The following FLG2 variants were observed in gnomAD, a reference collection of about 807,000 sequenced individuals.
The protein encoded by FLG2 is filaggrin-2.
FLG2 carries 7 observed loss-of-function variants against 3.9 expected under a neutral mutation model. The ratio of observed to expected loss-of-function variants is 1.79; its 90% CI spans 1.02 to 3.36. The LOEUF (loss-of-function observed/expected upper bound fraction) is 3.36, where lower values mean the gene tolerates loss of function less well. FLG2 is among the 30% of genes most tolerant of loss of function. FLG2 has a pLI of 0.00. For synonymous variants in FLG2, 1,031 were observed against 1,056.1 expected, an observed-to-expected ratio of 0.98 and a Z score of 0.46; for missense variants, 2,700 against 2,809.4, an observed-to-expected ratio of 0.96 and a Z score of 0.88.
rs1557894677 is a variant in FLG2, at chr1:152,351,834, T to C, written c.5952A>G (p.Pro1984=). ...HTHGQAGSHY[P]ESGSSVHERH... ...TCTCATGAACTGAGGATCCTGACTC[T>C]GGATAGTGAGATCCAGCTTGACCGT... is the stretch of plus-strand genomic sequence containing the variant. The change falls in exon 3 of 3, where the codon CCA becomes CCG. Residue 1984 remains proline (P), a synonymous_variant. Coordinates refer to ENST00000388718, the MANE Select transcript of FLG2 (RefSeq NM_001014342.3). The C allele has an allele frequency of 5.0e-6, 8 of 1,612,822 alleles. No individual in the cohort carries two copies. Among genetic ancestry groups the C allele is most frequent in the Non-Finnish European group, 4.2e-6 (5 of 1,179,856 alleles).
chr1:152,356,683 C>A lies in FLG2; in HGVS notation c.1103G>T (p.Gly368Val), dbSNP rs1654247226. The A allele has an allele frequency of 6.2e-7, 1 of 1,614,122 alleles. No homozygotes were observed. The highest frequency in any genetic ancestry group is 1.1e-5 in the South Asian group (1 of 91,094). ...RENGQPQNCG[G>V]QWRTGSSQSS... ...CTGACTTGAGCCTGTTCTCCATTGT[C>A]CTCCACAGTTCTGTGGTTGACCATT... The change falls in exon 3 of 3, where the codon GGA becomes GTA. Residue 368 changes from glycine (G) to valine (V), a missense_variant. Coordinates refer to ENST00000388718, the MANE Select transcript of FLG2 (RefSeq NM_001014342.3).
At position 152,353,819 on chromosome 1, in the gene FLG2, T is replaced by C. The variant is rs1015664681; in HGVS notation, c.3967A>G (p.Arg1323Gly). The C allele has an allele frequency of 6.2e-7, 1 of 1,614,056 alleles. No homozygotes were observed. Among genetic ancestry groups the C allele is most frequent in the Non-Finnish European group, 8.5e-7 (1 of 1,179,952 alleles). The part of the protein sequence containing the change: ...TTHGQRGDTT[R>G]HGHSGHGQST... ...TGTCCATGACCAGAATGGCCATGTC[T>C]AGTGGTATCTCCTCTCTGTCCATGA... Residue 1323 changes from arginine to glycine, a missense_variant, in exon 3 of 3, where the codon AGA (arginine) becomes GGA (glycine). Physicochemically the swap from Arg to Gly is moderately radical, Grantham distance 125. Transcript: ENST00000388718.
Position 152,352,312 on chromosome 1 carries a change from G to C in FLG2, c.5474C>G (p.Thr1825Ser), listed in dbSNP as rs1413274658. The change falls in exon 3 of 3, where the codon ACT becomes AGT. Residue 1825 changes from threonine to serine, a missense_variant. Coordinates refer to ENST00000388718, the MANE Select transcript of FLG2 (RefSeq NM_001014342.3). ...FSQRPHSRGH[T>S]HGQAGSQHGE... ...ATGTTGAGATCCAGCCTGGCCGTGA[G>C]TGTGTCCTCGTGAGTGTGGTCTTTG... The C allele has an allele frequency of 6.2e-7, 1 of 1,612,726 alleles. No individual in the cohort carries two copies. The highest frequency in any genetic ancestry group is 1.7e-5 in the Admixed American group (1 of 59,910).
intron 2 of FLG2, among the ~76,000 whole-genome samples, chr1:152,358,147 G>A (rs955300993): frequency 7.9e-5 from 12 of 151,122 alleles, no homozygotes; most frequent in African/African-American, 2.2e-4. Context: ...TCAGCCTCCC[G>A]AGTAGCTGGG....
intron 2 of FLG2, 108 bp downstream of exon 2, chr1:152,358,639 A>C (rs1654338380): frequency 1.9e-6 from 2 of 1,041,434 alleles, no homozygotes; most frequent in African/African-American, 3.3e-5. Context: ...CCACTCATAG[A>C]GTTTGCTTAG....
chr1:152,348,762 A>G lies in FLG2; in HGVS notation c.*1848T>C, dbSNP rs145057374. ...TAACTTGATGAAATGTTTATTGCCA[A>G]TTTTTATGAAGTACAATTTTCTGGA... On this transcript the variant is annotated 3_prime_UTR_variant, in exon 3 of 3. Transcript: ENST00000388718. 1.3e-5 allele frequency: 2 copies of G among 152,286 alleles called. No homozygotes were observed. Among genetic ancestry groups the G allele is most frequent in the East Asian group, 3.9e-4 (2 of 5,182 alleles). 9.4% of individuals were successfully genotyped at this position (152,286 alleles called of 1,614,324 possible). A position where few individuals can be genotyped will look rare whatever the true frequency, so the allele number is the denominator to read the frequency against.
In FLG2 at chr1:152,351,280, C is replaced by G. The variant is rs748312063; in HGVS notation, c.6506G>C (p.Gly2169Ala). 2 of 1,613,792 alleles carry G rather than the reference C, an allele frequency of 1.2e-6. No homozygotes were observed. Among genetic ancestry groups the G allele is most frequent in the Non-Finnish European group, 1.7e-6 (2 of 1,179,970 alleles). ...QSGHGQSTQT[G>A]SRTTGRQRSS... ...TCTTTGTCTTCCAGTTGTCCTGGAACCTGTCTGTGTGGACTGTCCATGACC... is the reference window on the plus strand; with the variant it reads ...TCTTTGTCTTCCAGTTGTCCTGGAAGCTGTCTGTGTGGACTGTCCATGACC... Residue 2169 changes from glycine to alanine, a missense_variant, in exon 3 of 3, where the codon GGT (glycine) becomes GCT (alanine). Coordinates refer to ENST00000388718, the MANE Select transcript of FLG2 (RefSeq NM_001014342.3).
At chr1:152,358,208 A>G (rs1052104385) in intron 2 of FLG2, among the ~76,000 whole-genome samples, 7 of 151,982 alleles carry the variant, frequency 4.6e-5, no homozygotes, top group Non-Finnish European at 1.0e-4. Flanking sequence ...TTTTTAGTAG[A>G]GATGGGGTTT....
Position 152,349,751 on chromosome 1 carries a change from G to C in FLG2, c.*859C>G, listed in dbSNP as rs1449133625. 6.6e-6 allele frequency: 1 copy of C among 152,652 alleles called. No individual in the cohort carries two copies. The highest frequency in any genetic ancestry group is 1.9e-4 in the East Asian group (1 of 5,186). 9.5% of individuals were successfully genotyped at this position (152,652 alleles called of 1,614,324 possible). ...ATCTAAGCAGAAGGAACCAGAGCCT[G>C]TTCTTTCCTTTGTATGGTAACCGCT... On this transcript the variant is annotated 3_prime_UTR_variant, in exon 3 of 3. Coordinates refer to ENST00000388718, the MANE Select transcript of FLG2 (RefSeq NM_001014342.3).
chr1:152,357,950 A>G (rs1013809680), intron 2 of FLG2, among the ~76,000 whole-genome samples: 2 of 152,218 alleles, frequency 1.3e-5, no homozygotes, highest in Non-Finnish European at 2.9e-5. Context: ...AGTTTTACAT[A>G]AATTGTAACT....
Position 152,354,406 on chromosome 1 carries a change from C to T in FLG2, c.3380G>A (p.Gly1127Asp), listed in dbSNP as rs1557897561. 3 of 1,614,002 alleles carry T rather than the reference C, an allele frequency of 1.9e-6. No homozygotes were observed. The highest frequency in any genetic ancestry group is 2.7e-5 in the African/African-American group (2 of 74,900). ...TGTGCCTGACCCATGTTGTCCAAAG[C>T]CAGAAGACTGACCTGAGCCCGATCC... Reference protein sequence around the residue: ...QYGSGSGQSSGFGQHGSGTGK... With the variant: ...QYGSGSGQSSDFGQHGSGTGK... The change falls in exon 3 of 3, where the codon GGC becomes GAC. Residue 1127 changes from glycine (G) to aspartate (D), a missense_variant. Coordinates refer to ENST00000388718, the MANE Select transcript of FLG2 (RefSeq NM_001014342.3).
chr1:152,358,622 C>T, intron 2 of FLG2, 125 bp downstream of exon 2: 1 of 889,032 alleles, frequency 1.1e-6, no homozygotes, highest in East Asian at 2.7e-5. Flanking sequence ...CTGGCATCCC[C>T]AAAATACCAC....
chr1:152,357,017 T>G lies in FLG2; in HGVS notation c.769A>C (p.Arg257=). The stretch of plus-strand genomic sequence containing the variant: ...GACCCAAGCTTTTGTTCTCTAATTC[T>G]TGACTGAGTAGAGTTTGATTCATGC... ...SGHESNSTQS[R]IREQKLGSSC... The change falls in exon 3 of 3, where the codon AGA becomes CGA. Residue 257 remains arginine, a synonymous_variant. Transcript: ENST00000388718. 4 of 1,614,226 alleles carry G rather than the reference T, an allele frequency of 2.5e-6. No homozygotes were observed. Among genetic ancestry groups the G allele is most frequent in the Non-Finnish European group, 3.4e-6 (4 of 1,180,030 alleles).
chr1:152,352,122 C>G lies in FLG2; in HGVS notation c.5664G>C (p.Val1888=), dbSNP rs547068744. The G allele has an allele frequency of 6.2e-7, 1 of 1,613,582 alleles. No individual in the cohort carries two copies. The highest frequency in any genetic ancestry group is 1.7e-5 in the Admixed American group (1 of 59,942). ...AATGTGTATGTGAGCCCCCTGAGTG[C>G]ACTTCACTGTCACTGGACTCACTGT... is the stretch of plus-strand genomic sequence containing the variant. ...SGHSESSDSE[V]HSGGSHTHSG... The change falls in exon 3 of 3, where the codon GTG becomes GTC. Residue 1888 remains valine, a synonymous_variant. Transcript: ENST00000388718.
rs771013080 is a variant in FLG2 at position 152,353,003 on chromosome 1, G to C, written c.4783C>G (p.Arg1595Gly). The C allele has an allele frequency of 1.2e-6, 2 of 1,613,120 alleles. No individual in the cohort carries two copies. Among genetic ancestry groups the C allele is most frequent in the African/African-American group, 1.3e-5 (1 of 74,628 alleles). The change falls in exon 3 of 3, where the codon CGA becomes GGA. Residue 1595 changes from arginine (R) to glycine (G), a missense_variant. Physicochemically the swap from Arg to Gly is moderately radical, Grantham distance 125. Transcript: ENST00000388718. ...CCGGCTTGGCCGTAAGTGTGTTCTCGTGAGTGTGGTCTGTGTGAGCCCCCT... is the reference window on the plus strand; with the variant it reads ...CCGGCTTGGCCGTAAGTGTGTTCTCCTGAGTGTGGTCTGTGTGAGCCCCCT... ...HSGGSHRPHS[R>G]EHTYGQAGSQ...
Position 152,349,887 on chromosome 1 carries a change from A to G in FLG2, c.*723T>C, listed in dbSNP as rs1228938351. Reference sequence around the variant, plus strand: ...TGTCTCCCCCACTGCATATGGTTGCACTGCTTGATGAATATCTATACCTAT... The same window carrying G: ...TGTCTCCCCCACTGCATATGGTTGCGCTGCTTGATGAATATCTATACCTAT... On this transcript the variant is annotated 3_prime_UTR_variant, in exon 3 of 3. Transcript: ENST00000388718. 6.5e-6 allele frequency: 1 copy of G among 153,052 alleles called. No homozygotes were observed. The highest frequency in any genetic ancestry group is 1.5e-5 in the Non-Finnish European group (1 of 68,338). 9.5% of individuals were successfully genotyped at this position (153,052 alleles called of 1,614,324 possible). A position where few individuals can be genotyped will look rare whatever the true frequency, so the allele number is the denominator to read the frequency against.
chr1:152,351,817 A>C lies in FLG2; in HGVS notation c.5969T>G (p.Val1990Gly). 2 of 1,611,438 alleles carry C rather than the reference A, an allele frequency of 1.2e-6. No individual in the cohort carries two copies. The highest frequency in any genetic ancestry group is 2.2e-5 in the East Asian group (1 of 44,770). The change falls in exon 3 of 3, where the codon GTT becomes GGT. Residue 1990 changes from valine to glycine, a missense_variant. Coordinates refer to ENST00000388718, the MANE Select transcript of FLG2 (RefSeq NM_001014342.3). ...ATGAGTAGTTCCGTGTCTCTCATGA[A>C]CTGAGGATCCTGACTCTGGATAGTG... ...GSHYPESGSSVHERHGTTHGQ... is the reference protein window; with the variant it reads ...GSHYPESGSSGHERHGTTHGQ...
Position 152,354,993 on chromosome 1 carries a change from C to G in FLG2, c.2793G>C (p.Gln931His), listed in dbSNP as rs76514540. The G allele has an allele frequency of 2.7e-6, 4 of 1,501,568 alleles. No individual in the cohort carries two copies. Among genetic ancestry groups the G allele is most frequent in the East Asian group, 3.1e-5 (1 of 31,748 alleles). The allele number at this position is 1,501,568 out of a possible 1,614,324, so 93.0% of individuals were successfully genotyped here. ...ACCCATGTTGACCATAGCCAGATGA[C>G]TGACTTGAGCCAGAACCATGTTGGC... ...SYGQHGSGSS[Q>H]SSGYGQHGSS... Residue 931 changes from glutamine to histidine, a missense_variant, in exon 3 of 3, where the codon CAG (glutamine) becomes CAC (histidine). Transcript: ENST00000388718.
chr1:152,359,064 A>G (rs1051744165), intron 1 of FLG2, among the ~76,000 whole-genome samples, 158 bp from the exon 2 acceptor site: 1 of 152,212 alleles, frequency 6.6e-6, no homozygotes, highest in Non-Finnish European at 1.5e-5. Context: ...GTTTAACACA[A>G]TGAAAATTAA....
Sources: allele counts gnomAD v4.1 joint callset (sites outside exome capture counted in the v4.1 genomes callset), GRCh38; gene constraint gnomAD v4.1.1; transcripts MANE v1.5; gene names NCBI Gene and HGNC (gene_info 2026-07-23, HGNC 2026-07-21).